PRKCQ: variants seen among roughly 807,000 people sequenced by gnomAD.
PRKCQ encodes the protein protein kinase C theta type.
Under a neutral mutation model 91.2 loss-of-function variants are expected in PRKCQ, and 41 were observed. The ratio of observed to expected loss-of-function variants is 0.45; its 90% confidence interval spans 0.35 to 0.58. PRKCQ has a LOEUF of 0.58. PRKCQ is among the 20% of genes least tolerant of loss of function. PRKCQ has a pLI of 0.00. For synonymous variants in PRKCQ, 307 were observed against 316.9 expected, an observed-to-expected ratio of 0.97 and a Z score of 0.33; for missense variants, 673 against 896.5, an observed-to-expected ratio of 0.75 and a Z score of 3.18.
chr10:6,545,816 G>A (rs557292757), intron 1 of PRKCQ, among the ~76,000 whole-genome samples: 16 of 152,168 alleles, frequency 1.1e-4, no homozygotes, highest in South Asian at 8.3e-4. Flanking sequence ...TTCGAGACCA[G>A]CCTGGCAAAC....
Position 6,483,518 on chromosome 10 carries a change from T to G in PRKCQ, c.1101A>C (p.Glu367Asp). Residue 367 changes from glutamate to aspartate, a missense_variant, in exon 11 of 18, where the codon GAA (glutamate) becomes GAC (aspartate). Coordinates refer to ENST00000263125, the MANE Select transcript of PRKCQ (RefSeq NM_006257.5). ...CHLPEPELNK[E>D]RPSLQIKLKI... Reference sequence around the variant, plus strand: ...TTAGTTTAATCTGCAGAGATGGTCTTTCTTTGTTCAGTTCAGGTTCTGGAA... The same window carrying G: ...TTAGTTTAATCTGCAGAGATGGTCTGTCTTTGTTCAGTTCAGGTTCTGGAA... 6.2e-7 allele frequency: 1 copy of G among 1,614,248 alleles called. No homozygotes were observed. The highest frequency in any genetic ancestry group is 1.1e-5 in the South Asian group (1 of 91,090).
At chr10:6,399,050 C>T in the PRKCQ span, among the ~76,000 whole-genome samples, 1 of 152,206 alleles carries the variant, frequency 6.6e-6, no homozygotes, top group South Asian at 2.1e-4. Flanking sequence ...CATATCAATA[C>T]AATGATACAA....
chr10:6,524,591 G>T (rs1839131373), intron 1 of PRKCQ, among the ~76,000 whole-genome samples: 1 of 152,214 alleles, frequency 6.6e-6, no homozygotes, highest in East Asian at 1.9e-4. Context: ...ACAGGTACGG[G>T]TAGACTTTCT....
At position 6,462,371 on chromosome 10, in the gene PRKCQ, G is replaced by T; in HGVS notation, c.1446-6C>A. ...TGATTTCAGCAGCATAAAACCTGGG[G>T]GAAGGAGAACCAAGGTTCAACATGA... is the stretch of plus-strand genomic sequence containing the variant. On this transcript the variant is annotated splice_polypyrimidine_tract_variant and splice_region_variant and intron_variant, in intron 13 of 17. Coordinates refer to ENST00000263125, the MANE Select transcript of PRKCQ (RefSeq NM_006257.5). The T allele has an allele frequency of 6.2e-7, 1 of 1,613,170 alleles. No individual in the cohort carries two copies. The highest frequency in any genetic ancestry group is 8.5e-7 in the Non-Finnish European group (1 of 1,179,454).
intron 1 of PRKCQ, among the ~76,000 whole-genome samples, chr10:6,558,026 A>G (rs983748538): frequency 6.6e-6 from 1 of 152,162 alleles, no homozygotes; most frequent in African/African-American, 2.4e-5. Flanking sequence ...ATGTTTAATT[A>G]CTTATCCCCT....
Position 6,456,760 on chromosome 10 carries a change from C to T in PRKCQ, c.1561G>A (p.Ala521Thr), listed in dbSNP as rs768290397. 1.9e-5 allele frequency: 30 copies of T among 1,613,974 alleles called. No individual in the cohort carries two copies. In the Admixed American group the frequency reaches 2.5e-4, roughly 13 times the overall value. Residue 521 changes from alanine (A) to threonine (T), a missense_variant, in exon 15 of 18, where the codon GCG becomes ACG. Transcript: ENST00000263125. The part of the protein sequence containing the change: ...LLDKDGHIKI[A>T]DFGMCKENML... ...TTCTCCTTGCACATTCCAAAATCCGCGATCTTGATATGTCCATCTTTGTCT... is the reference window on the plus strand; with the variant it reads ...TTCTCCTTGCACATTCCAAAATCCGTGATCTTGATATGTCCATCTTTGTCT...
At chr10:6,530,523 G>T (rs1439325778) in intron 1 of PRKCQ, among the ~76,000 whole-genome samples, 1 of 152,220 alleles carries the variant, frequency 6.6e-6, no homozygotes, top group Non-Finnish European at 1.5e-5. Flanking sequence ...GCCCGGCAAC[G>T]GGGGACTGGG....
At chr10:6,537,153 T>G (rs1192526208) in intron 1 of PRKCQ, among the ~76,000 whole-genome samples, 1 of 152,212 alleles carries the variant, frequency 6.6e-6, no homozygotes. Flanking sequence ...GGGCATTTGT[T>G]GAATGCTTGC....
chr10:6,507,773 T>C (rs766081007), intron 3 of PRKCQ, among the ~76,000 whole-genome samples: 26 of 152,348 alleles, frequency 1.7e-4, no homozygotes, highest in Non-Finnish European at 3.1e-4. Flanking sequence ...TATTTGGTTT[T>C]CTTGCCCTGT....
At chr10:6,472,046 C>A (rs957063810) in intron 12 of PRKCQ, among the ~76,000 whole-genome samples, 1 of 151,986 alleles carries the variant, frequency 6.6e-6, no homozygotes, top group Non-Finnish European at 1.5e-5. Flanking sequence ...CGGTGGCTCA[C>A]GCCCGTAATC....
intron 15 of PRKCQ, 72 bp from the exon 16 acceptor site, chr10:6,442,153 T>A (rs1834004051): frequency 2.1e-6 from 3 of 1,414,750 alleles, no homozygotes; most frequent in Non-Finnish European, 9.7e-7. Flanking sequence ...CCTGAGCGTC[T>A]CAAGGCCACT....
chr10:6,434,572 T>C (rs1165821086), intron 16 of PRKCQ, among the ~76,000 whole-genome samples: 2 of 152,118 alleles, frequency 1.3e-5, no homozygotes, highest in African/African-American at 4.8e-5. Context: ...GCTCCGCCCC[T>C]GGAAAGCTGC....
intron 3 of PRKCQ, among the ~76,000 whole-genome samples, chr10:6,509,061 TAA>T (rs1296425664): frequency 6.6e-6 from 1 of 151,822 alleles, no homozygotes; most frequent in Non-Finnish European, 1.5e-5. Context: ...AATTAAGAAA[TAA>T]CCTTGGCAAA....
At chr10:6,412,669 A>C in the PRKCQ span, among the ~76,000 whole-genome samples, 1 of 152,250 alleles carries the variant, frequency 6.6e-6, no homozygotes. Flanking sequence ...AGAAAACAGC[A>C]TTGAGTCACT....
At chr10:6,445,697 G>A (rs963188198) in intron 15 of PRKCQ, among the ~76,000 whole-genome samples, 2 of 152,156 alleles carry the variant, frequency 1.3e-5, no homozygotes, top group Non-Finnish European at 2.9e-5. Flanking sequence ...CTCTTACCTC[G>A]ATATTTACAT....
At chr10:6,415,653 C>CAT in the PRKCQ span, among the ~76,000 whole-genome samples, 1 of 151,492 alleles carries the variant, frequency 6.6e-6, no homozygotes, top group Non-Finnish European at 1.5e-5. Flanking sequence ...TCCCCAGAAC[C>CAT]ATATGTTTGT....
At chr10:6,482,677 G>A (rs780354379) in intron 11 of PRKCQ, among the ~76,000 whole-genome samples, 1 of 152,150 alleles carries the variant, frequency 6.6e-6, no homozygotes. Context: ...ATAAAGACAT[G>A]CCCGAGACTG....
Position 6,460,452 on chromosome 10 carries a change from T to C in PRKCQ, c.1508+1851A>G, listed in dbSNP as rs181378644. Among the ~76,000 whole-genome samples the C allele has an allele frequency of 5.0e-3, 756 of 151,960 alleles. 10 individuals are homozygous for C. The highest frequency in any genetic ancestry group is 0.017 in the African/African-American group (713 of 41,468). ...GATCTCTGTCTCTCTCTCTCTCCAG[T>C]CCCTCCTAATTTTTATTCCTACTTC... On this transcript the variant is annotated intron_variant, in intron 14 of 17. Transcript: ENST00000263125.
intron 7 of PRKCQ, among the ~76,000 whole-genome samples, chr10:6,494,271 C>CTCT (rs1043268909): frequency 6.6e-6 from 1 of 152,194 alleles, no homozygotes; most frequent in Non-Finnish European, 1.5e-5. Context: ...AGCTCAGGCC[C>CTCT]TCTTCGCTTC....
Sources: gnomAD v4.1 joint callset for allele counts (sites outside exome capture counted in the v4.1 genomes callset) on GRCh38, gnomAD v4.1.1 for gene constraint, MANE v1.5 for transcripts, NCBI Gene and HGNC (gene_info 2026-07-23, HGNC 2026-07-21) for gene names.